ATP9B: variants seen among roughly 807,000 people sequenced by gnomAD.
The protein encoded by ATP9B is probable phospholipid-transporting ATPase IIB.
In ATP9B, 110 loss-of-function variants were observed where a neutral mutation model predicts 146.1. The observed-to-expected ratio is 0.75, with a 90% CI of 0.65 to 0.88. ATP9B has a LOEUF of 0.88. Among genes scored for constraint, ATP9B ranks in the 40% least tolerant of loss-of-function variants. ATP9B has a pLI of 0.00. For synonymous variants in ATP9B, 604 were observed against 569.7 expected, an observed-to-expected ratio of 1.06 and a Z score of -0.86; for missense variants, 1,499 against 1,496.4, an observed-to-expected ratio of 1.00 and a Z score of -0.03.
chr18:79,172,891 G>A (rs1425882862), intron 7 of ATP9B, among the ~76,000 whole-genome samples: 3 of 152,154 alleles, frequency 2.0e-5, no homozygotes, highest in Admixed American at 6.5e-5. Flanking sequence ...TCTCCAGATC[G>A]ATGTCCAGGA....
In ATP9B at chr18:79,275,719, C is replaced by T. The variant is rs115541115; in HGVS notation, c.1269-1335C>T. Among the ~76,000 whole-genome samples, 1,001 of 152,336 alleles carry T rather than the reference C, an allele frequency of 6.6e-3. 4 individuals carry two copies. The highest frequency in any genetic ancestry group is 0.022 in the African/African-American group (932 of 41,564). On this transcript the variant is annotated intron_variant, in intron 12 of 29. Transcript: ENST00000426216. ...CAAGAGGCCAAGTGGCTGCTGTGTC[C>T]GGCCTTGAGTGTCATCTTGCAGGGG... is the stretch of plus-strand genomic sequence containing the variant.
In ATP9B at chr18:79,069,538, G is replaced by C; in HGVS notation, c.119+9G>C. On this transcript the variant is annotated intron_variant, in intron 1 of 29. Transcript: ENST00000426216. ...GCCGACCGGCACAGCAGGTAACCGA[G>C]GCGGCACTGGCCCCGTTCCCCGCCG... 1 of 1,339,712 alleles carries C rather than the reference G, an allele frequency of 7.5e-7. No homozygotes were observed. Among genetic ancestry groups the C allele is most frequent in the Non-Finnish European group, 9.6e-7 (1 of 1,044,558 alleles). The allele number at this position is 1,339,712 out of a possible 1,614,324, so 83.0% of individuals were successfully genotyped here. A position where few individuals can be genotyped will look rare whatever the true frequency, so the allele number is the denominator to read the frequency against.
chr18:79,192,920 G>T (rs949028955), intron 8 of ATP9B, among the ~76,000 whole-genome samples: 14 of 152,102 alleles, frequency 9.2e-5, no homozygotes, highest in Non-Finnish European at 1.5e-5. Flanking sequence ...CCCTGGACAG[G>T]CCCCGGGGCT....
chr18:79,155,179 T>C (rs1221001409), intron 7 of ATP9B, among the ~76,000 whole-genome samples: 1 of 152,232 alleles, frequency 6.6e-6, no homozygotes. Context: ...TCAAAGAGTT[T>C]ATAGTCTTGG....
chr18:79,200,821 G>A (rs1475664772), intron 9 of ATP9B, among the ~76,000 whole-genome samples: 1 of 1,264 alleles, frequency 7.9e-4, no homozygotes, highest in Non-Finnish European at 2.0e-3. Flanking sequence ...ACTTGGGTGG[G>A]GCCCTGGATT....
chr18:79,254,762 C>G (rs1161588115), intron 12 of ATP9B: 2 of 152,584 alleles, frequency 1.3e-5, no homozygotes, highest in Non-Finnish European at 2.9e-5. Flanking sequence ...TGCTTCCCAC[C>G]CTAGCTGTGT....
intron 11 of ATP9B, among the ~76,000 whole-genome samples, chr18:79,219,313 G>A (rs142914135): frequency 2.8e-4 from 42 of 152,206 alleles, no homozygotes; most frequent in Non-Finnish European, 3.5e-4. Flanking sequence ...ATATTTACCA[G>A]GCAGCCCAGA....
intron 7 of ATP9B, chr18:79,173,665 T>G (rs1307390587): frequency 2.2e-6 from 1 of 455,064 alleles, no homozygotes; most frequent in Non-Finnish European, 4.4e-6. Flanking sequence ...GGTTCTTTAT[T>G]TTGTTCCATT....
At chr18:79,109,580 T>A (rs1224749685) in intron 2 of ATP9B, among the ~76,000 whole-genome samples, 1 of 151,724 alleles carries the variant, frequency 6.6e-6, no homozygotes, top group African/African-American at 2.4e-5. Flanking sequence ...TTTTTTTTTT[T>A]TTTAAGATGG....
At chr18:79,070,878 T>G (rs1482541679) in intron 1 of ATP9B, among the ~76,000 whole-genome samples, 1 of 152,210 alleles carries the variant, frequency 6.6e-6, no homozygotes, top group Non-Finnish European at 1.5e-5. Context: ...TATGTTGAAT[T>G]TGAAGTGAGT....
intron 6 of ATP9B, among the ~76,000 whole-genome samples, chr18:79,144,562 G>A (rs944226373): frequency 6.6e-6 from 1 of 152,190 alleles, no homozygotes; most frequent in South Asian, 2.1e-4. Flanking sequence ...AGGAGGCGGA[G>A]CTCAGGAGGT....
At chr18:79,180,139 CT>C (rs906652016) in intron 8 of ATP9B, among the ~76,000 whole-genome samples, 1 of 151,834 alleles carries the variant, frequency 6.6e-6, no homozygotes, top group African/African-American at 2.4e-5. Context: ...TTTTATATAT[CT>C]TTTTCTTTGA....
chr18:79,370,229 C>T (rs1445845570), intron 26 of ATP9B, among the ~76,000 whole-genome samples: 1 of 152,182 alleles, frequency 6.6e-6, no homozygotes, highest in African/African-American at 2.4e-5. Flanking sequence ...TGAATATTTA[C>T]TATGCTGCTG....
chr18:79,319,393 T>C (rs753201323), intron 15 of ATP9B, among the ~76,000 whole-genome samples: 43 of 151,876 alleles, frequency 2.8e-4, no homozygotes, highest in Non-Finnish European at 4.9e-4. Context: ...TGTGAGTGAA[T>C]AGAGGAGGGG....
intron 6 of ATP9B, chr18:79,144,793 C>CTG (rs2147446177): frequency 6.6e-6 from 1 of 151,816 alleles, no homozygotes; most frequent in African/African-American, 2.4e-5. Flanking sequence ...GAATCCCCAT[C>CTG]TATGGAACCC....
intron 2 of ATP9B, among the ~76,000 whole-genome samples, chr18:79,109,481 T>C (rs140215872): frequency 9.2e-5 from 14 of 152,098 alleles, no homozygotes; most frequent in African/African-American, 3.4e-4. Context: ...AAGAGAGCTA[T>C]GTGGAAATAC....
chr18:79,251,845 T>C (rs894980615), intron 11 of ATP9B, among the ~76,000 whole-genome samples: 2 of 152,274 alleles, frequency 1.3e-5, no homozygotes, highest in African/African-American at 2.4e-5. Flanking sequence ...CAGTCATGTT[T>C]TCTTTGTGTA....
chr18:79,282,196 G>T (rs35023894), intron 13 of ATP9B, among the ~76,000 whole-genome samples: 1 of 152,198 alleles, frequency 6.6e-6, no homozygotes, highest in Non-Finnish European at 1.5e-5. Context: ...AATGGAATCC[G>T]CTCCTGGAGA....
At chr18:79,109,545 A>G (rs2146966554) in intron 2 of ATP9B, among the ~76,000 whole-genome samples, 1 of 151,626 alleles carries the variant, frequency 6.6e-6, no homozygotes, top group Admixed American at 6.6e-5. Context: ...TATCCTCTTT[A>G]AATATTGGAT....
Sources: gnomAD v4.1 joint callset for allele counts (sites outside exome capture counted in the v4.1 genomes callset) on GRCh38, gnomAD v4.1.1 for gene constraint, MANE v1.5 for transcripts, NCBI Gene and HGNC (gene_info 2026-07-23, HGNC 2026-07-21) for gene names.